Variants in LRRC4C observed in about 807,000 individuals in gnomAD.
The protein encoded by LRRC4C is leucine-rich repeat-containing protein 4C.
A neutral mutation model predicts 33.6 loss-of-function variants in LRRC4C; 5 were observed. The observed-to-expected ratio is 0.15, with a 90% CI of 0.08 to 0.31. The LOEUF (loss-of-function observed/expected upper bound fraction) is 0.31. Among genes scored for constraint, LRRC4C ranks in the 10% least tolerant of loss-of-function variants. The probability of loss-of-function intolerance (pLI) is 1.00; values close to 1 mark genes in which losing one functional copy is unlikely to be tolerated. For synonymous variants in LRRC4C, 329 were observed against 302.0 expected (o/e 1.09, Z -0.93); for missense variants, 560 against 796.7 (o/e 0.70, Z 3.58).
At chr11:40,825,259 G>A (rs2135499303) in intron 2 of LRRC4C, among the ~76,000 whole-genome samples, 1 of 151,942 alleles carries the variant, frequency 6.6e-6, no homozygotes, top group East Asian at 1.9e-4. Context: ...ATAAAACGAT[G>A]GCTCTCACTA....
intron 2 of LRRC4C, among the ~76,000 whole-genome samples, chr11:40,769,431 T>C (rs1350317645): frequency 6.6e-6 from 1 of 152,004 alleles, no homozygotes; most frequent in African/African-American, 2.4e-5. Flanking sequence ...TTCAATGCAA[T>C]CTCTACCAAA....
chr11:40,310,221 C>A (rs1216076031), intron 4 of LRRC4C, among the ~76,000 whole-genome samples: 1 of 152,130 alleles, frequency 6.6e-6, no homozygotes, highest in Admixed American at 6.5e-5. Context: ...AAAGTACAAC[C>A]ATGCTTCAAT....
At chr11:41,098,129 C>A (rs2135589059) in intron 1 of LRRC4C, among the ~76,000 whole-genome samples, 1 of 152,190 alleles carries the variant, frequency 6.6e-6, no homozygotes, top group South Asian at 2.1e-4. Context: ...GATACGGACA[C>A]TAACATGGGG....
intron 3 of LRRC4C, among the ~76,000 whole-genome samples, chr11:40,524,788 C>T (rs971743022): frequency 6.6e-6 from 1 of 152,074 alleles, no homozygotes; most frequent in African/African-American, 2.4e-5. Flanking sequence ...GCCTTTAAGA[C>T]AGTAGGGTAA....
rs369524085 is a variant in LRRC4C, at chr11:40,786,892, C to A, written c.-406-138614G>T. Among the ~76,000 whole-genome samples, 5 of 151,276 alleles carry A rather than the reference C, an allele frequency of 3.3e-5. No homozygotes were observed. The South Asian group carries it at 6.3e-4, about 19-fold the overall frequency. Reference sequence around the variant, plus strand: ...AGAAAACATTTGTAATAAGAAAATACCCTAAGTTTAAACTGGCGCACTCAC... The same window carrying A: ...AGAAAACATTTGTAATAAGAAAATAACCTAAGTTTAAACTGGCGCACTCAC... On this transcript the variant is annotated intron_variant, in intron 2 of 6. Transcript: ENST00000528697.
intron 3 of LRRC4C, among the ~76,000 whole-genome samples, chr11:40,542,028 C>CTCTT (rs1403635353): frequency 7.0e-6 from 1 of 142,958 alleles, no homozygotes; most frequent in Non-Finnish European, 1.5e-5. Context: ...CCTTTCCTTT[C>CTCTT]TCTTTCTCTT....
chr11:40,132,696 TA>T (rs950332421), intron 6 of LRRC4C, among the ~76,000 whole-genome samples: 11 of 152,050 alleles, frequency 7.2e-5, no homozygotes, highest in African/African-American at 2.2e-4. Flanking sequence ...AAGAAATAAA[TA>T]AAAAATAATA....
In LRRC4C at chr11:41,443,089, ATT is replaced by A; in HGVS notation, c.-496+16340_-496+16341del. ...ATTTATTTATTTTTATGTTTGCTTCATTTTTTTTTTTTTTTTTTTTGCTTCAA... is the reference window on the plus strand; with the variant it reads ...ATTTATTTATTTTTATGTTTGCTTCATTTTTTTTTTTTTTTTTTGCTTCAA... On this transcript the variant is annotated intron_variant, in intron 1 of 6. Transcript: ENST00000528697. Among the ~76,000 whole-genome samples, 430 of 105,942 alleles carry A rather than the reference ATT, an allele frequency of 4.1e-3. 3 individuals are homozygous for A. The highest frequency in any genetic ancestry group is 0.015 in the African/African-American group (400 of 27,088). The allele number at this position is 105,942 out of a possible 152,430, so 69.5% of individuals were successfully genotyped here.
At chr11:40,404,062 T>C (rs747520603) in intron 3 of LRRC4C, among the ~76,000 whole-genome samples, 14 of 152,182 alleles carry the variant, frequency 9.2e-5, no homozygotes, top group Non-Finnish European at 1.8e-4. Context: ...AAAGTAAGCA[T>C]GACATACACA....
chr11:41,447,945 T>G (rs1955876996), intron 1 of LRRC4C, among the ~76,000 whole-genome samples: 1 of 152,086 alleles, frequency 6.6e-6, no homozygotes. Flanking sequence ...TTTAACATCT[T>G]TAAGGGTTGC....
chr11:40,417,634 G>A (rs988964720), intron 3 of LRRC4C, among the ~76,000 whole-genome samples: 3 of 152,052 alleles, frequency 2.0e-5, no homozygotes, highest in Admixed American at 6.6e-5. Flanking sequence ...TTACAAGCAT[G>A]AGCCACCATG....
At chr11:40,497,270 G>T (rs550029170) in intron 3 of LRRC4C, among the ~76,000 whole-genome samples, 1 of 152,104 alleles carries the variant, frequency 6.6e-6, no homozygotes, top group African/African-American at 2.4e-5. Flanking sequence ...CAGGCATGGT[G>T]GTGGATGCCT....
intron 1 of LRRC4C, among the ~76,000 whole-genome samples, chr11:40,991,408 A>G (rs2137253155): frequency 6.6e-6 from 1 of 152,226 alleles, no homozygotes; most frequent in South Asian, 2.1e-4. Flanking sequence ...TTATAATGTA[A>G]CACAATGCTC....
At chr11:40,947,763 C>G (rs1046291955) in intron 1 of LRRC4C, among the ~76,000 whole-genome samples, 13 of 152,024 alleles carry the variant, frequency 8.6e-5, no homozygotes, top group African/African-American at 2.9e-4. Context: ...TGATATCCTT[C>G]TCCTGCAAAC....
chr11:41,392,484 A>G (rs1953638995), intron 1 of LRRC4C, among the ~76,000 whole-genome samples: 1 of 151,644 alleles, frequency 6.6e-6, no homozygotes, highest in South Asian at 2.1e-4. Flanking sequence ...CTTCTTTGGT[A>G]CTTACCGAAT....
chr11:40,315,308 T>C (rs1945522147), intron 4 of LRRC4C, among the ~76,000 whole-genome samples: 1 of 151,924 alleles, frequency 6.6e-6, no homozygotes, highest in Non-Finnish European at 1.5e-5. Flanking sequence ...AAGTCATTTT[T>C]ATCCTTTAAA....
intron 2 of LRRC4C, among the ~76,000 whole-genome samples, chr11:40,721,784 A>G (rs1451866508): frequency 6.6e-6 from 1 of 152,178 alleles, no homozygotes; most frequent in Non-Finnish European, 1.5e-5. Context: ...CCCTAAAAAT[A>G]CAAAAAATTA....
At chr11:40,982,183 A>G (rs752421436) in intron 1 of LRRC4C, among the ~76,000 whole-genome samples, 9 of 152,200 alleles carry the variant, frequency 5.9e-5, no homozygotes, top group Admixed American at 1.3e-4. Context: ...AGAGACATGC[A>G]AATATATTTT....
At chr11:40,400,491 C>T (rs982321544) in intron 3 of LRRC4C, among the ~76,000 whole-genome samples, 1 of 151,960 alleles carries the variant, frequency 6.6e-6, no homozygotes, top group Non-Finnish European at 1.5e-5. Flanking sequence ...TTTAATATGG[C>T]TTATCTGACC....
Sources: gnomAD v4.1 joint callset for allele counts (sites outside exome capture counted in the v4.1 genomes callset) on GRCh38, gnomAD v4.1.1 for gene constraint, MANE v1.5 for transcripts, NCBI Gene and HGNC (gene_info 2026-07-23, HGNC 2026-07-21) for gene names.